The following SCGB1C1 variants were observed in gnomAD, a reference collection of about 807,000 sequenced individuals.
SCGB1C1 encodes secretoglobin family 1C member 1.
SCGB1C1 carries 2 observed loss-of-function variants against 8.9 expected under a neutral mutation model. The ratio of observed to expected loss-of-function variants is 0.23; its 90% CI spans 0.09 to 0.71. The LOEUF is 0.71. Among genes scored for constraint, SCGB1C1 ranks in the 30% least tolerant of loss-of-function variants. SCGB1C1 has a pLI of 0.78. For missense variants in SCGB1C1, 25 were observed against 112.7 expected (o/e 0.22, Z 3.52); for synonymous variants, 6 against 45.8 (o/e 0.13, Z 3.51).
At chr11:189,806 G>T (rs1264601387), upstream of SCGB1C1, among the ~76,000 whole-genome samples, 1 of 152,188 alleles carries the variant, frequency 6.6e-6, no homozygotes, top group African/African-American at 2.4e-5. Flanking sequence ...CTTGCTTACA[G>T]TGGTGGCCAG....
upstream of SCGB1C1, among the ~76,000 whole-genome samples, chr11:191,848 A>AC (rs369792639): frequency 7.3e-4 from 20 of 27,224 alleles, no homozygotes; most frequent in South Asian, 1.4e-3. Flanking sequence ...CCTAACCCTA[A>AC]CCCTAACCCC....
chr11:189,609 G>A (rs1270867591), upstream of SCGB1C1, among the ~76,000 whole-genome samples: 1 of 152,254 alleles, frequency 6.6e-6, no homozygotes, highest in Non-Finnish European at 1.5e-5. Flanking sequence ...AGAGCGCGGG[G>A]GTGGAGCGTT....
intron 2 of SCGB1C1, 86 bp from the exon 3 acceptor site, chr11:194,332 C>T (rs767412354): frequency 2.0e-5 from 22 of 1,127,098 alleles, no homozygotes; most frequent in East Asian, 4.8e-5. Flanking sequence ...GACCCCCCCC[C>T]ACTGAGGGCC....
chr11:194,402 T>C lies in SCGB1C1; in HGVS notation c.256-16T>C. 2 of 756,550 alleles carry C rather than the reference T, an allele frequency of 2.6e-6. No homozygotes were observed. Among genetic ancestry groups the C allele is most frequent in the Non-Finnish European group, 4.6e-6 (2 of 435,802 alleles). 46.9% of individuals were successfully genotyped at this position (756,550 alleles called of 1,614,324 possible). ...TTGAGCACAGCCCTCTTAGTCCACA[T>C]GTGTCTGCCTTCCAGGTGCAAGTGC... On this transcript the variant is annotated splice_polypyrimidine_tract_variant and intron_variant, in intron 2 of 2. Coordinates refer to ENST00000342878, the MANE Select transcript of SCGB1C1 (RefSeq NM_145651.3).
upstream of SCGB1C1, among the ~76,000 whole-genome samples, chr11:189,877 G>A (rs1407877547): frequency 1.2e-4 from 6 of 49,328 alleles, no homozygotes; most frequent in African/African-American, 9.6e-4. Flanking sequence ...GTGGCGGCAC[G>A]CCGCCTGCAG....
chr11:191,890 C>T (rs58532757), upstream of SCGB1C1, among the ~76,000 whole-genome samples: 19 of 2,766 alleles, frequency 6.9e-3, no homozygotes, highest in South Asian at 0.039. Context: ...ACCCTAACCC[C>T]TACCCCTAAC....
At chr11:189,543 TGTG>T (rs1854742769), upstream of SCGB1C1, among the ~76,000 whole-genome samples, 1 of 27,398 alleles carries the variant, frequency 3.6e-5, no homozygotes, top group South Asian at 1.1e-3. Context: ...GTCGTTAGGC[TGTG>T]GGTTTGGGGG....
At chr11:192,457 AC>A (rs1854830481), upstream of SCGB1C1, among the ~76,000 whole-genome samples, 1 of 151,230 alleles carries the variant, frequency 6.6e-6, no homozygotes, top group South Asian at 2.1e-4. Flanking sequence ...TCCTGCTGAG[AC>A]CTGGCCCCAA....
upstream of SCGB1C1, among the ~76,000 whole-genome samples, chr11:190,835 T>G (rs1157597023): frequency 1.3e-5 from 2 of 151,932 alleles, no homozygotes; most frequent in Non-Finnish European, 2.9e-5. Flanking sequence ...TCTGTACTTA[T>G]GGTGCCAGGT....
At chr11:193,620 C>T (rs1162060242) in intron 1 of SCGB1C1, 92 bp from the exon 2 acceptor site, 1 of 1,555,606 alleles carries the variant, frequency 6.4e-7, no homozygotes, top group Non-Finnish European at 8.8e-7. Context: ...GGTCTGGAGA[C>T]CATGGAGGTT....
Position 193,789 on chromosome 11 carries a change from C to T in SCGB1C1, c.133C>T (p.Leu45Phe). 2 of 1,612,400 alleles carry T rather than the reference C, an allele frequency of 1.2e-6. No homozygotes were observed. The highest frequency in any genetic ancestry group is 1.3e-5 in the African/African-American group (1 of 74,900). Reference sequence around the variant, plus strand: ...ACTACTGGTGGGGACCCCAGAGGAGCTCTATGAGGGGACCTTGGGCAAGTA... The same window carrying T: ...ACTACTGGTGGGGACCCCAGAGGAGTTCTATGAGGGGACCTTGGGCAAGTA... ...QTLLVGTPEE[L>F]YEGTLGKYNV... Residue 45 changes from leucine (L) to phenylalanine (F), a missense_variant, in exon 2 of 3, where the codon CTC (leucine) becomes TTC (phenylalanine). Leu to Phe is a conservative substitution (Grantham distance 22). Coordinates refer to ENST00000342878, the MANE Select transcript of SCGB1C1 (RefSeq NM_145651.3).
upstream of SCGB1C1, among the ~76,000 whole-genome samples, chr11:191,880 A>C (rs1854818646): frequency 6.6e-4 from 3 of 4,526 alleles, no homozygotes; most frequent in South Asian, 5.3e-3. Context: ...CCTAACCCTA[A>C]CCCTAACCCC....
chr11:188,455 G>A, upstream of SCGB1C1, among the ~76,000 whole-genome samples: 1 of 151,996 alleles, frequency 6.6e-6, no homozygotes. Context: ...ATTGTTGATG[G>A]AAAAAAGAGT....
upstream of SCGB1C1, among the ~76,000 whole-genome samples, chr11:189,691 G>A (rs1263629729): frequency 1.3e-5 from 2 of 152,334 alleles, no homozygotes; most frequent in African/African-American, 2.4e-5. Context: ...CCAAAAAGCC[G>A]GGCTCGGGCG....
chr11:191,906 A>T (rs1329458712), upstream of SCGB1C1, among the ~76,000 whole-genome samples: 1 of 140,302 alleles, frequency 7.1e-6, no homozygotes. Flanking sequence ...CTAACCCCTA[A>T]CCCTTACCGG....
upstream of SCGB1C1, among the ~76,000 whole-genome samples, chr11:190,421 C>G (rs2396796): frequency 0.032 from 3,225 of 99,672 alleles, no homozygotes; most frequent in African/African-American, 0.07. Flanking sequence ...TTGGAAGAAA[C>G]ATTTTCACCA....
chr11:194,068 G>A (rs1393763728), intron 2 of SCGB1C1, among the ~76,000 whole-genome samples, 157 bp downstream of exon 2: 1 of 134,910 alleles, frequency 7.4e-6, no homozygotes, highest in Non-Finnish European at 1.6e-5. Context: ...CAGACCTCCT[G>A]TCCACCGAGC....
intron 1 of SCGB1C1, 22 bp from the exon 2 acceptor site, chr11:193,690 C>T (rs377315647): frequency 6.2e-7 from 1 of 1,611,792 alleles, no homozygotes; most frequent in Non-Finnish European, 8.5e-7. Context: ...CCTGTCCTGG[C>T]ATCATCTCGC....
upstream of SCGB1C1, among the ~76,000 whole-genome samples, chr11:192,062 T>G (rs564179335): frequency 3.6e-3 from 540 of 152,070 alleles, no homozygotes; most frequent in South Asian, 0.015. Context: ...TGTGATTGTT[T>G]CGAATAGGTG....
Sources: allele counts gnomAD v4.1 joint callset (sites outside exome capture counted in the v4.1 genomes callset), GRCh38; gene constraint gnomAD v4.1.1; transcripts MANE v1.5; gene names NCBI Gene and HGNC (gene_info 2026-07-23, HGNC 2026-07-21).